The following RTKN2 variants were observed in gnomAD, a reference collection of about 807,000 sequenced individuals.
The protein encoded by RTKN2 is rhotekin-2.
Under a neutral mutation model 71.5 loss-of-function variants are expected in RTKN2, and 69 were observed. The ratio of observed to expected loss-of-function variants is 0.96; its 90% CI spans 0.79 to 1.18. The LOEUF is 1.18. Among genes scored for constraint, RTKN2 ranks in the 50% most tolerant of loss-of-function variants. RTKN2 has a pLI of 0.00. For synonymous variants in RTKN2, 236 were observed against 236.5 expected, an observed-to-expected ratio of 1.00 and a Z score of 0.02; for missense variants, 724 against 719.7, an observed-to-expected ratio of 1.01 and a Z score of -0.07.
chr10:62,208,810 T>G (rs1333730189), intron 9 of RTKN2, among the ~76,000 whole-genome samples: 1 of 152,190 alleles, frequency 6.6e-6, no homozygotes, highest in Non-Finnish European at 1.5e-5. Context: ...ACTACCAGTT[T>G]GTAATCCTTA....
intron 9 of RTKN2, among the ~76,000 whole-genome samples, chr10:62,210,000 C>T (rs1386108276): frequency 6.6e-6 from 1 of 152,120 alleles, no homozygotes; most frequent in Non-Finnish European, 1.5e-5. Flanking sequence ...ATTGCTGGGT[C>T]GAATGGTATC....
At chr10:62,260,947 A>C (rs1270395885) in intron 2 of RTKN2, among the ~76,000 whole-genome samples, 1 of 152,198 alleles carries the variant, frequency 6.6e-6, no homozygotes, top group East Asian at 1.9e-4. Context: ...GAGAGGGAAC[A>C]TATATCCCCT....
intron 6 of RTKN2, among the ~76,000 whole-genome samples, chr10:62,227,211 CCTCT>C (rs1046116274): frequency 6.6e-6 from 1 of 152,012 alleles, no homozygotes; most frequent in African/African-American, 2.4e-5. Context: ...ATCTATTTTT[CCTCT>C]CTTATACAGG....
intron 3 of RTKN2, among the ~76,000 whole-genome samples, chr10:62,244,420 T>C (rs949632120): frequency 6.6e-6 from 1 of 152,180 alleles, no homozygotes. Flanking sequence ...TTAAATACTT[T>C]TACTTGAGCC....
downstream of RTKN2, among the ~76,000 whole-genome samples, chr10:62,188,915 T>C (rs567441128): frequency 5.5e-4 from 83 of 151,824 alleles, no homozygotes; most frequent in Non-Finnish European, 9.9e-4. Flanking sequence ...GCCTGGCTAA[T>C]TTTTTGTATT....
chr10:62,189,264 T>C (rs1224135024), downstream of RTKN2, among the ~76,000 whole-genome samples: 1 of 152,224 alleles, frequency 6.6e-6, no homozygotes, highest in African/African-American at 2.4e-5. Context: ...CTGCCCCTAG[T>C]TGCAACGATA....
At chr10:62,265,835 T>C (rs944214338) in intron 1 of RTKN2, among the ~76,000 whole-genome samples, 15 of 152,176 alleles carry the variant, frequency 9.9e-5, no homozygotes, top group African/African-American at 2.7e-4. Context: ...AGGGTACCGA[T>C]TGGGCATTCA....
Position 62,198,443 on chromosome 10 carries a change from C to A in RTKN2, c.1295G>T (p.Ser432Ile). 1 of 1,449,458 alleles carries A rather than the reference C, an allele frequency of 6.9e-7. No homozygotes were observed. Among genetic ancestry groups the A allele is most frequent in the Non-Finnish European group, 9.3e-7 (1 of 1,075,220 alleles). 89.8% of individuals were successfully genotyped at this position (1,449,458 alleles called of 1,614,324 possible). A position where few individuals can be genotyped will look rare whatever the true frequency, so the allele number is the denominator to read the frequency against. Reference sequence around the variant, plus strand: ...TTCAAGTTTCATAGGTGAATCAATGCCTATAATAATTTTAAGAAAAAAAAA... The same window carrying A: ...TTCAAGTTTCATAGGTGAATCAATGACTATAATAATTTTAAGAAAAAAAAA... ...KEATSVYHDM[S>I]IDSPMKLESL... Residue 432 changes from serine (S) to isoleucine (I), a missense_variant and splice_region_variant, in exon 12 of 12, where the codon AGC becomes ATC. By Grantham distance (142) the Ser-to-Ile change is moderately radical (BLOSUM62 -2). Transcript: ENST00000373789.
chr10:62,241,257 G>T, intron 3 of RTKN2, 62 bp from the exon 4 acceptor site: 1 of 920,970 alleles, frequency 1.1e-6, no homozygotes, highest in Non-Finnish European at 1.7e-6. Flanking sequence ...TCTTTACAGT[G>T]ACCTGAACCT....
chr10:62,256,474 G>C (rs1015527528), intron 2 of RTKN2, among the ~76,000 whole-genome samples: 3 of 152,094 alleles, frequency 2.0e-5, no homozygotes, highest in African/African-American at 7.2e-5. Flanking sequence ...TGACAACTTG[G>C]TAAAATTGAA....
In RTKN2 at chr10:62,198,312, C is replaced by T; in HGVS notation, c.1426G>A (p.Gly476Ser). Reference sequence around the variant, plus strand: ...TTCTGGATGACCATTTGATGGTTACCATCAAAGAGTGTGGCCCAAGGAGGT... The same window carrying T: ...TTCTGGATGACCATTTGATGGTTACTATCAAAGAGTGTGGCCCAAGGAGGT... ...LPPPWATLFD[G>S]NHQMVIQKKV... is the part of the protein sequence containing the mutation. The change falls in exon 12 of 12, where the codon GGT becomes AGT. Residue 476 changes from glycine to serine, a missense_variant. Coordinates refer to ENST00000373789, the MANE Select transcript of RTKN2 (RefSeq NM_145307.4). 1 of 1,613,744 alleles carries T rather than the reference C, an allele frequency of 6.2e-7. No individual in the cohort carries two copies. Among genetic ancestry groups the T allele is most frequent in the Non-Finnish European group, 8.5e-7 (1 of 1,179,852 alleles).
chr10:62,191,873 G>A, downstream of RTKN2, among the ~76,000 whole-genome samples: 1 of 152,090 alleles, frequency 6.6e-6, no homozygotes, highest in East Asian at 1.9e-4. Flanking sequence ...GGTTATAAGT[G>A]ACTAAGTTAC....
chr10:62,203,450 T>C (rs1841487035), intron 10 of RTKN2, among the ~76,000 whole-genome samples: 1 of 151,986 alleles, frequency 6.6e-6, no homozygotes, highest in African/African-American at 2.4e-5. Context: ...CTTCAAGCAA[T>C]TCTCCTGCCT....
At chr10:62,219,380 T>C (rs953218551) in intron 7 of RTKN2, among the ~76,000 whole-genome samples, 2 of 152,108 alleles carry the variant, frequency 1.3e-5, no homozygotes, top group African/African-American at 2.4e-5. Flanking sequence ...GTAGCCCAGA[T>C]TGAAGGACAA....
intron 5 of RTKN2, chr10:62,239,120 T>G (rs1218659824): frequency 6.6e-6 from 1 of 152,220 alleles, no homozygotes; most frequent in Non-Finnish European, 1.5e-5. Flanking sequence ...CCATTTTTTT[T>G]TATTGCTTTG....
At position 62,196,135 on chromosome 10, in the gene RTKN2, C is replaced by T. The variant is rs1363029843; in HGVS notation, c.*1773G>A. The T allele has an allele frequency of 3.1e-6, 3 of 982,954 alleles. No individual in the cohort carries two copies. In the Admixed American group the frequency reaches 1.8e-4, roughly 61 times the overall value. 60.9% of individuals were successfully genotyped at this position (982,954 alleles called of 1,614,324 possible). A position where few individuals can be genotyped will look rare whatever the true frequency, so the allele number is the denominator to read the frequency against. On this transcript the variant is annotated 3_prime_UTR_variant, in exon 12 of 12. Transcript: ENST00000373789. ...AATAATTTAGTGGCAATGACAGTCACAAATGCTGTCAAAAACAGCAATGAA... is the reference window on the plus strand; with the variant it reads ...AATAATTTAGTGGCAATGACAGTCATAAATGCTGTCAAAAACAGCAATGAA...
At chr10:62,184,984 G>C (rs955051289) in intron 8 of RTKN2, among the ~76,000 whole-genome samples, 2 of 152,076 alleles carry the variant, frequency 1.3e-5, no homozygotes, top group African/African-American at 2.4e-5. Flanking sequence ...ACCACTAATT[G>C]GTAAGCGGTC....
downstream of RTKN2, among the ~76,000 whole-genome samples, chr10:62,188,796 G>A (rs1841174627): frequency 6.6e-6 from 1 of 151,788 alleles, no homozygotes; most frequent in Non-Finnish European, 1.5e-5. Flanking sequence ...CGCCCAGGCT[G>A]GAGTGCAGTG....
At position 62,195,616 on chromosome 10, in the gene RTKN2, AAGGAAG is replaced by A. The variant is rs1302185407; in HGVS notation, c.*2286_*2291del. 4 of 83,888 alleles carry A rather than the reference AAGGAAG, an allele frequency of 4.8e-5. No individual in the cohort carries two copies. Among genetic ancestry groups the A allele is most frequent in the African/African-American group, 2.4e-4 (4 of 16,352 alleles). 5.2% of individuals were successfully genotyped at this position (83,888 alleles called of 1,614,324 possible). On this transcript the variant is annotated 3_prime_UTR_variant, in exon 12 of 12. Coordinates refer to ENST00000373789, the MANE Select transcript of RTKN2 (RefSeq NM_145307.4). ...GACGGACAGAGGGAATGAAGGAAGG[AAGGAAG>A]GAAGGAAGGAAGGAAGGAAGGAAGG... is the stretch of plus-strand genomic sequence containing the variant.
Sources: gnomAD v4.1 joint callset for allele counts (sites outside exome capture counted in the v4.1 genomes callset) on GRCh38, gnomAD v4.1.1 for gene constraint, MANE v1.5 for transcripts, NCBI Gene and HGNC (gene_info 2026-07-23, HGNC 2026-07-21) for gene names.